The following CLINT1 variants were observed in gnomAD, a reference collection of about 807,000 sequenced individuals.
CLINT1 encodes clathrin interactor 1.
Under a neutral mutation model 70.4 loss-of-function variants are expected in CLINT1, and 15 were observed. The ratio of observed to expected loss-of-function variants is 0.21; its 90% CI spans 0.14 to 0.33. CLINT1 has a LOEUF of 0.33. Among genes scored for constraint, CLINT1 ranks in the 10% least tolerant of loss-of-function variants. The pLI, the probability that CLINT1 is intolerant of heterozygous loss-of-function variation, is 1.00. For missense variants in CLINT1, 615 were observed against 778.1 expected (o/e 0.79, Z 2.49); for synonymous variants, 227 against 254.7 (o/e 0.89, Z 1.04).
intron 1 of CLINT1, among the ~76,000 whole-genome samples, chr5:157,820,477 C>T (rs1489627386): frequency 4.6e-5 from 7 of 152,046 alleles, no homozygotes; most frequent in Admixed American, 3.9e-4. Flanking sequence ...GCAAAGAACC[C>T]CCTCAAGATG....
chr5:157,794,220 T>A (rs1046365411), intron 9 of CLINT1, among the ~76,000 whole-genome samples: 19 of 152,162 alleles, frequency 1.2e-4, no homozygotes, highest in African/African-American at 4.6e-4. Context: ...TTTTAGAAAG[T>A]TGAAGGCTCG....
intron 1 of CLINT1, among the ~76,000 whole-genome samples, chr5:157,838,965 T>C (rs1245332203): frequency 2.6e-5 from 4 of 152,274 alleles, no homozygotes; most frequent in Admixed American, 2.6e-4. Flanking sequence ...CCAGGTGTGC[T>C]GGCTCATGCC....
At chr5:157,823,695 CTTA>C in intron 1 of CLINT1, 1 of 567,524 alleles carries the variant, frequency 1.8e-6, no homozygotes, top group Non-Finnish European at 2.2e-6. Flanking sequence ...ATTAAATGCT[CTTA>C]TTAAGTATAA....
At chr5:157,830,384 A>G (rs1023328791) in intron 1 of CLINT1, among the ~76,000 whole-genome samples, 5 of 152,040 alleles carry the variant, frequency 3.3e-5, no homozygotes, top group African/African-American at 1.2e-4. Context: ...AAGTTTTAAT[A>G]TTCTTGTTAG....
chr5:157,819,452 T>C (rs957546630), intron 1 of CLINT1, among the ~76,000 whole-genome samples: 3 of 152,146 alleles, frequency 2.0e-5, no homozygotes, highest in African/African-American at 7.2e-5. Flanking sequence ...AAGGAATACA[T>C]TTTCGTTAAA....
intron 1 of CLINT1, among the ~76,000 whole-genome samples, chr5:157,851,505 G>A (rs1421660901): frequency 6.6e-6 from 1 of 151,844 alleles, no homozygotes; most frequent in Non-Finnish European, 1.5e-5. Context: ...CCTGGGAAAT[G>A]CGGCAAAACT....
chr5:157,813,257 C>A, intron 4 of CLINT1, 30 bp from the exon 5 acceptor site: 2 of 1,578,080 alleles, frequency 1.3e-6, no homozygotes, highest in Non-Finnish European at 1.7e-6. Context: ...TAAGCAAAAC[C>A]TAAGAATTCA....
chr5:157,836,514 C>G lies in CLINT1; in HGVS notation c.42-18967G>C, dbSNP rs554726632. On this transcript the variant is annotated intron_variant, in intron 1 of 11. Transcript: ENST00000411809. ...CAGCACCAAGAGTAAGTTACATGGC[C>G]CTGAGCATAGTGGTGTCATTAAGCG... 2.0e-5 allele frequency among the ~76,000 whole-genome samples: 3 copies of G among 152,306 alleles called. No homozygotes were observed. The East Asian group carries it at 5.8e-4, about 29-fold the overall frequency.
chr5:157,834,294 G>C (rs1187005), intron 1 of CLINT1, among the ~76,000 whole-genome samples: 20,291 of 151,978 alleles, frequency 0.13, 1,775 homozygotes, highest in African/African-American at 0.25. Flanking sequence ...TGAACCGGGA[G>C]GCAGAGGTTG....
chr5:157,788,038 T>C (rs1346445734), intron 11 of CLINT1, 46 bp from the exon 12 acceptor site: 4 of 1,441,094 alleles, frequency 2.8e-6, no homozygotes, highest in African/African-American at 1.4e-5. Flanking sequence ...AATAAATTTT[T>C]AGGTTCATAG....
intron 1 of CLINT1, among the ~76,000 whole-genome samples, chr5:157,822,661 T>C (rs1356821670): frequency 6.6e-6 from 1 of 152,232 alleles, no homozygotes; most frequent in Non-Finnish European, 1.5e-5. Flanking sequence ...TTCTGCTTAT[T>C]TGACTACTTG....
intron 1 of CLINT1, among the ~76,000 whole-genome samples, chr5:157,839,003 C>G (rs146148220): frequency 4.0e-5 from 6 of 150,860 alleles, no homozygotes; most frequent in African/African-American, 1.5e-4. Flanking sequence ...GGGAGGTGGG[C>G]GGATTGCTTG....
chr5:157,791,799 G>C lies in CLINT1; in HGVS notation c.1284C>G (p.Gly428=). The stretch of plus-strand genomic sequence containing the variant: ...AAGATGTCATGGTTGCCTGGGACGA[G>C]CCCATAAGATCAAACAGGTCTGAAG... The part of the protein sequence containing the change: ...SNSSDLFDLM[G]SSQATMTSSQ... Residue 428 remains glycine (G), a synonymous_variant, in exon 10 of 12, where the codon GGC becomes GGG. Transcript: ENST00000411809. 1.2e-6 allele frequency: 2 copies of C among 1,613,958 alleles called. No homozygotes were observed. Among genetic ancestry groups the C allele is most frequent in the Non-Finnish European group, 1.7e-6 (2 of 1,179,866 alleles).
intron 1 of CLINT1, among the ~76,000 whole-genome samples, chr5:157,856,759 CT>C (rs2113349461): frequency 6.6e-6 from 1 of 152,268 alleles, no homozygotes; most frequent in African/African-American, 2.4e-5. Flanking sequence ...CTTAAAAAGT[CT>C]TTGGTGACAA....
intron 1 of CLINT1, among the ~76,000 whole-genome samples, chr5:157,840,569 AGTGT>A (rs533115967): frequency 2.9e-5 from 4 of 137,150 alleles, no homozygotes; most frequent in African/African-American, 1.1e-4. Flanking sequence ...GAGGGAAGTA[AGTGT>A]GTGTGTGTAT....
chr5:157,795,158 C>T (rs1305971921), intron 8 of CLINT1, 186 bp from the exon 9 acceptor site: 1 of 585,560 alleles, frequency 1.7e-6, no homozygotes, highest in Non-Finnish European at 3.1e-6. Flanking sequence ...ACCATAGACT[C>T]TTTTCCCTTC....
intron 1 of CLINT1, among the ~76,000 whole-genome samples, chr5:157,853,630 A>G (rs1753648904): frequency 6.6e-6 from 1 of 151,946 alleles, no homozygotes; most frequent in Non-Finnish European, 1.5e-5. Context: ...TACAAAAATT[A>G]GCCGGGCATG....
intron 3 of CLINT1, among the ~76,000 whole-genome samples, chr5:157,815,980 T>C (rs3097834): frequency 0.56 from 84,581 of 152,032 alleles, 23,975 homozygotes; most frequent in East Asian, 0.79. Flanking sequence ...AAGGAGTTTA[T>C]CCAAGAATTT....
chr5:157,854,112 T>A (rs1211894586), intron 1 of CLINT1, among the ~76,000 whole-genome samples: 3 of 152,204 alleles, frequency 2.0e-5, no homozygotes, highest in African/African-American at 7.2e-5. Context: ...TCTTACTATC[T>A]CTGCTTTCAA....
Sources: allele counts gnomAD v4.1 joint callset (sites outside exome capture counted in the v4.1 genomes callset), GRCh38; gene constraint gnomAD v4.1.1; transcripts MANE v1.5; gene names NCBI Gene and HGNC (gene_info 2026-07-23, HGNC 2026-07-21).